Variants in DTNB observed in about 807,000 individuals in gnomAD.
The protein encoded by DTNB is dystrobrevin beta, also known as DTN-B.
DTNB carries 63 observed loss-of-function variants against 90.7 expected under a neutral mutation model. The observed-to-expected ratio is 0.69, with a 90% CI of 0.57 to 0.86. The LOEUF (loss-of-function observed/expected upper bound fraction) is 0.86. DTNB is among the 40% of genes least tolerant of loss of function. The pLI is 0.00. For synonymous variants in DTNB, 277 were observed against 286.7 expected, an observed-to-expected ratio of 0.97 and a Z score of 0.34; for missense variants, 744 against 807.1, an observed-to-expected ratio of 0.92 and a Z score of 0.95.
chr2:25,649,265 A>C (rs1302633352), intron 2 of DTNB, among the ~76,000 whole-genome samples: 2 of 152,116 alleles, frequency 1.3e-5, no homozygotes, highest in African/African-American at 4.8e-5. Context: ...TTGGCCTCCG[A>C]AAGTGCTGGC....
intron 4 of DTNB, among the ~76,000 whole-genome samples, chr2:25,618,670 A>C (rs2071522167): frequency 6.6e-6 from 1 of 152,250 alleles, no homozygotes. Context: ...CACTAAGATG[A>C]AAAGATAAAC....
At chr2:25,469,243 G>T (rs13386804) in intron 10 of DTNB, among the ~76,000 whole-genome samples, 108,683 of 151,948 alleles carry the variant, frequency 0.72, 38,992 homozygotes, top group East Asian at 0.81. Flanking sequence ...TGATAAACAG[G>T]GTTGGCTAGG....
intron 6 of DTNB, among the ~76,000 whole-genome samples, chr2:25,593,179 T>C (rs773319972): frequency 1.1e-4 from 17 of 152,220 alleles, no homozygotes; most frequent in Non-Finnish European, 2.4e-4. Flanking sequence ...TTTCAGCTTC[T>C]TTCTTAAAAT....
chr2:25,645,046 A>T (rs896371057), intron 2 of DTNB, among the ~76,000 whole-genome samples: 1 of 152,204 alleles, frequency 6.6e-6, no homozygotes, highest in African/African-American at 2.4e-5. Flanking sequence ...ACTTAAATTT[A>T]TCTGAATTTA....
At chr2:25,602,948 A>G (rs185824595) in intron 5 of DTNB, among the ~76,000 whole-genome samples, 197 of 152,334 alleles carry the variant, frequency 1.3e-3, no homozygotes, top group African/African-American at 4.5e-3. Flanking sequence ...CAGTTTTCAT[A>G]TAAGTGTTGC....
In DTNB at chr2:25,516,892, C is replaced by CA. The variant is rs1302607272; in HGVS notation, c.1001+14580dup. Among the ~76,000 whole-genome samples, 431 of 148,962 alleles carry CA rather than the reference C, an allele frequency of 2.9e-3. 5 individuals carry two copies. The highest frequency in any genetic ancestry group is 9.2e-3 in the African/African-American group (376 of 40,724). On this transcript the variant is annotated intron_variant, in intron 9 of 20. Coordinates refer to ENST00000406818, the MANE Select transcript of DTNB (RefSeq NM_021907.5). ...GGCAACAACAGCAAAACCCTGTATCCAAAAAAAAAATAAAAAAGTTAAATA... is the reference window on the plus strand; with the variant it reads ...GGCAACAACAGCAAAACCCTGTATCCAAAAAAAAAAATAAAAAAGTTAAATA...
intron 16 of DTNB, among the ~76,000 whole-genome samples, chr2:25,405,467 G>GA (rs2044868467): frequency 6.6e-6 from 1 of 152,150 alleles, no homozygotes; most frequent in African/African-American, 2.4e-5. Flanking sequence ...CTTGAACTGG[G>GA]AAACGGAGGT....
rs1409592927 is a variant in DTNB, at chr2:25,432,994, A to G, written c.1349T>C (p.Ile450Thr). The G allele has an allele frequency of 6.2e-7, 1 of 1,604,198 alleles. No individual in the cohort carries two copies. Among genetic ancestry groups the G allele is most frequent in the East Asian group, 2.2e-5 (1 of 44,746 alleles). The stretch of plus-strand genomic sequence containing the variant: ...GCGGAGACGCTGAATCTCCTGCAGG[A>G]TCTCTCTAGAGAGGATGGGTGAACG... Reference protein sequence around the residue: ...IAELENKNREILQEIQRLRLE... With the variant: ...IAELENKNRETLQEIQRLRLE... Residue 450 changes from isoleucine (I) to threonine (T), a missense_variant, in exon 14 of 21, where the codon ATC (isoleucine) becomes ACC (threonine). By Grantham distance (89) the Ile-to-Thr change is moderately conservative. Coordinates refer to ENST00000406818, the MANE Select transcript of DTNB (RefSeq NM_021907.5).
intron 9 of DTNB, among the ~76,000 whole-genome samples, chr2:25,505,355 G>A (rs1034627816): frequency 6.6e-6 from 1 of 152,166 alleles, no homozygotes; most frequent in African/African-American, 2.4e-5. Context: ...GCTGAAGAAT[G>A]CCACTGTAGA....
chr2:25,629,033 G>A (rs1165275073), intron 3 of DTNB, among the ~76,000 whole-genome samples: 1 of 152,052 alleles, frequency 6.6e-6, no homozygotes, highest in African/African-American at 2.4e-5. Context: ...AAAATTCCTG[G>A]ATGGAATATA....
intron 9 of DTNB, among the ~76,000 whole-genome samples, chr2:25,519,928 A>C (rs1042823009): frequency 6.6e-6 from 1 of 152,286 alleles, no homozygotes; most frequent in East Asian, 1.9e-4. Flanking sequence ...TCTCCCATCA[A>C]AAGAAGAAAG....
At chr2:25,466,055 C>T (rs905830448) in intron 10 of DTNB, among the ~76,000 whole-genome samples, 2 of 152,162 alleles carry the variant, frequency 1.3e-5, no homozygotes, top group African/African-American at 4.8e-5. Context: ...GTACTTAAGG[C>T]CGGGTGTGGT....
At chr2:25,551,702 T>C (rs189235196) in intron 8 of DTNB, among the ~76,000 whole-genome samples, 36 of 152,394 alleles carry the variant, frequency 2.4e-4, no homozygotes, top group African/African-American at 8.4e-4. Context: ...ACCATTTCTA[T>C]GGATTTGGTG....
rs150619859 is a variant in DTNB, at chr2:25,391,187, C to T, written c.1576-2826G>A. 7.2e-3 allele frequency among the ~76,000 whole-genome samples: 1,091 copies of T among 152,108 alleles called. 7 individuals carry two copies. The highest frequency in any genetic ancestry group is 0.017 in the Middle Eastern group (5 of 294). On this transcript the variant is annotated intron_variant, in intron 16 of 20. Transcript: ENST00000406818. ...CTGGGATTACAGGTGTGAGCCACCG[C>T]GCCTGGCCTAGGCAATGACTTTTTA...
In DTNB at chr2:25,439,639, G is replaced by T. The variant is rs571133215; in HGVS notation, c.1258-5644C>A. 1.2e-3 allele frequency among the ~76,000 whole-genome samples: 178 copies of T among 152,290 alleles called. 1 individual carries two copies. Among genetic ancestry groups the T allele is most frequent in the African/African-American group, 4.2e-3 (174 of 41,564 alleles). On this transcript the variant is annotated intron_variant, in intron 12 of 20. Coordinates refer to ENST00000406818, the MANE Select transcript of DTNB (RefSeq NM_021907.5). The stretch of plus-strand genomic sequence containing the variant: ...CTTTGGCTACTCGGTGGAGAATTTA[G>T]TGTAGTAGGAGAGGAATGAAAGTAG...
At chr2:25,606,257 A>AC (rs1278109397) in intron 5 of DTNB, among the ~76,000 whole-genome samples, 2 of 151,812 alleles carry the variant, frequency 1.3e-5, no homozygotes, top group Non-Finnish European at 2.9e-5. Context: ...CTCACAGGGT[A>AC]CCACACTACC....
At chr2:25,540,239 A>T (rs1644403006) in intron 8 of DTNB, among the ~76,000 whole-genome samples, 1 of 152,196 alleles carries the variant, frequency 6.6e-6, no homozygotes, top group African/African-American at 2.4e-5. Flanking sequence ...TTCTGGAGAG[A>T]AGTGACATCT....
chr2:25,619,033 G>A (rs971558691), intron 4 of DTNB, among the ~76,000 whole-genome samples: 5 of 152,058 alleles, frequency 3.3e-5, no homozygotes, highest in South Asian at 4.2e-4. Context: ...GAAATCATTC[G>A]TTTCAGTTCA....
chr2:25,413,970 T>C (rs866831955), intron 16 of DTNB, among the ~76,000 whole-genome samples: 1 of 152,198 alleles, frequency 6.6e-6, no homozygotes, highest in Non-Finnish European at 1.5e-5. Flanking sequence ...ATGATCGCCA[T>C]TCTAACTGGT....
Sources: gnomAD v4.1 joint callset for allele counts (sites outside exome capture counted in the v4.1 genomes callset) on GRCh38, gnomAD v4.1.1 for gene constraint, MANE v1.5 for transcripts, NCBI Gene and HGNC (gene_info 2026-07-23, HGNC 2026-07-21) for gene names.